Variants in C15orf61 observed in about 807,000 individuals in gnomAD.
C15orf61 encodes the protein uncharacterized protein C15orf61.
A neutral mutation model predicts 13.7 loss-of-function variants in C15orf61; 12 were observed. The observed-to-expected ratio is 0.88, with a 90% confidence interval of 0.56 to 1.42. C15orf61 has a LOEUF of 1.42. C15orf61 is among the 40% of genes most tolerant of loss of function. The probability of loss-of-function intolerance (pLI) is 0.00; values close to 1 mark genes in which losing one functional copy is unlikely to be tolerated. For missense variants in C15orf61, 248 were observed against 213.2 expected (o/e 1.16, Z -1.02); for synonymous variants, 92 against 94.1 (o/e 0.98, Z 0.13).
In C15orf61 at chr15:67,525,337, C is replaced by G. The variant is rs535236416; in HGVS notation, c.347-1081C>G. 7.2e-5 allele frequency among the ~76,000 whole-genome samples: 11 copies of G among 152,208 alleles called. No individual in the cohort carries two copies. The South Asian group carries it at 2.3e-3, about 32-fold the overall frequency. ...GTAGTCATTAATTTTAAATAAGTACCTTTAAAAAGATAGGAATTGTGAAAG... is the reference window on the plus strand; with the variant it reads ...GTAGTCATTAATTTTAAATAAGTACGTTTAAAAAGATAGGAATTGTGAAAG... On this transcript the variant is annotated intron_variant, in intron 1 of 1. Coordinates refer to ENST00000342683, the MANE Select transcript of C15orf61 (RefSeq NM_001143936.2). The surrounding 1 kb of genome is among the most constrained non-coding windows in gnomAD (Gnocchi z 4.9).
chr15:67,521,783 TG>T (rs1264147071), intron 1 of C15orf61, 189 bp downstream of exon 1: 1 of 672,360 alleles, frequency 1.5e-6, no homozygotes, highest in African/African-American at 1.8e-5. Context: ...GCTGAGCTCC[TG>T]GCACCCGAAG....
chr15:67,524,436 C>T (rs1335452672), intron 1 of C15orf61, among the ~76,000 whole-genome samples: 1 of 150,810 alleles, frequency 6.6e-6, no homozygotes, highest in Non-Finnish European at 1.5e-5. Flanking sequence ...CTTTATTATT[C>T]TAGTTTTTGT....
At chr15:67,523,110 T>C (rs2084177951) in intron 1 of C15orf61, among the ~76,000 whole-genome samples, 1 of 152,192 alleles carries the variant, frequency 6.6e-6, no homozygotes. Context: ...ATTCTAAAAA[T>C]CCTGCTAAAA....
In C15orf61 at chr15:67,522,134, A is replaced by G. The variant is rs576691817; in HGVS notation, c.346+540A>G. On this transcript the variant is annotated intron_variant, in intron 1 of 1. Transcript: ENST00000342683. ...ACAGCTTCCTGAGGTGCTAGGCCTA[A>G]AAGATTTTTAAAGATCTTTAATATT... is the stretch of plus-strand genomic sequence containing the variant. 4 of 701,522 alleles carry G rather than the reference A, an allele frequency of 5.7e-6. No homozygotes were observed. The African/African-American group carries it at 7.0e-5, about 12-fold the overall frequency. The allele number at this position is 701,522 out of a possible 1,614,324, so 43.5% of individuals were successfully genotyped here. A position where few individuals can be genotyped will look rare whatever the true frequency, so the allele number is the denominator to read the frequency against.
chr15:67,525,712 A>G lies in C15orf61; in HGVS notation c.347-706A>G, dbSNP rs1444108550. On this transcript the variant is annotated intron_variant, in intron 1 of 1. Coordinates refer to ENST00000342683, the MANE Select transcript of C15orf61 (RefSeq NM_001143936.2). The surrounding 1 kb of genome is among the most constrained non-coding windows in gnomAD (Gnocchi z 4.9). ...TACTTCAACCATTAGTGTTACTACTAACTTAAAGAACAGTAATGTTGGCCG... is the reference window on the plus strand; with the variant it reads ...TACTTCAACCATTAGTGTTACTACTGACTTAAAGAACAGTAATGTTGGCCG... Among the ~76,000 whole-genome samples the G allele has an allele frequency of 6.6e-6, 1 of 152,126 alleles. No homozygotes were observed. The highest frequency in any genetic ancestry group is 2.4e-5 in the African/African-American group (1 of 41,418).
chr15:67,523,591 T>A (rs918256484), intron 1 of C15orf61, among the ~76,000 whole-genome samples: 1 of 152,212 alleles, frequency 6.6e-6, no homozygotes, highest in Non-Finnish European at 1.5e-5. Flanking sequence ...TGAGGAATTC[T>A]AATTTTTTAA....
Position 67,526,434 on chromosome 15 carries a change from A to T in C15orf61, c.363A>T (p.Leu121Phe). 6.5e-7 allele frequency: 1 copy of T among 1,529,440 alleles called. No individual in the cohort carries two copies. The highest frequency in any genetic ancestry group is 1.2e-5 in the South Asian group (1 of 82,590). 94.7% of individuals were successfully genotyped at this position (1,529,440 alleles called of 1,614,324 possible). A position where few individuals can be genotyped will look rare whatever the true frequency, so the allele number is the denominator to read the frequency against. Residue 121 changes from leucine (L) to phenylalanine (F), a missense_variant, in exon 2 of 2, where the codon TTA becomes TTT. Transcript: ENST00000342683. ...GTTTTCTAGGTATTCCAACTTTATT[A>T]TATGGACTTGGCTCCTGGTTATTTG... ...KVVNLGIPTLLYGLGSWLFAR... is the reference protein window; with the variant it reads ...KVVNLGIPTLFYGLGSWLFAR...
Position 67,526,515 on chromosome 15 carries a change from C to T in C15orf61, c.444C>T (p.Leu148=). Residue 148 remains leucine (L), a synonymous_variant, in exon 2 of 2, where the codon CTC becomes CTT. Coordinates refer to ENST00000342683, the MANE Select transcript of C15orf61 (RefSeq NM_001143936.2). ...ATGGACCCATAACAGTTTATTTTCTCAATAAAGAAGATGAAGGTGCCATGT... is the reference window on the plus strand; with the variant it reads ...ATGGACCCATAACAGTTTATTTTCTTAATAAAGAAGATGAAGGTGCCATGT... ...TSYGPITVYF[L]NKEDEGAMY is the part of the protein sequence containing the mutation. 4 of 1,536,802 alleles carry T rather than the reference C, an allele frequency of 2.6e-6. No individual in the cohort carries two copies. Among genetic ancestry groups the T allele is most frequent in the Non-Finnish European group, 3.5e-6 (4 of 1,139,688 alleles).
At chr15:67,526,119 T>C (rs2084197113) in intron 1 of C15orf61, among the ~76,000 whole-genome samples, 1 of 152,200 alleles carries the variant, frequency 6.6e-6, no homozygotes, top group Non-Finnish European at 1.5e-5. Context: ...CATTTTCTTA[T>C]TTATGAAAAG....
Position 67,521,612 on chromosome 15 carries a change from C to T in C15orf61, c.346+18C>T. 1 of 1,497,282 alleles carries T rather than the reference C, an allele frequency of 6.7e-7. No individual in the cohort carries two copies. Among genetic ancestry groups the T allele is most frequent in the Non-Finnish European group, 9.0e-7 (1 of 1,111,274 alleles). The allele number at this position is 1,497,282 out of a possible 1,614,324, so 92.7% of individuals were successfully genotyped here. A position where few individuals can be genotyped will look rare whatever the true frequency, so the allele number is the denominator to read the frequency against. ...CAACCTCGGTGAGTGGCGACTGCCGCGCCCACGCGGTGAAGCCCGCCCGGC... is the reference window on the plus strand; with the variant it reads ...CAACCTCGGTGAGTGGCGACTGCCGTGCCCACGCGGTGAAGCCCGCCCGGC... On this transcript the variant is annotated intron_variant, in intron 1 of 1. Coordinates refer to ENST00000342683, the MANE Select transcript of C15orf61 (RefSeq NM_001143936.2).
chr15:67,526,296 A>G (rs2084198318), intron 1 of C15orf61, 122 bp from the exon 2 acceptor site: 2 of 622,566 alleles, frequency 3.2e-6, no homozygotes, highest in Non-Finnish European at 5.1e-6. Context: ...GTCAATGTTG[A>G]TTAATATTTT....
rs2084216090 is a variant in C15orf61, at chr15:67,529,373, T to C, written c.*2828T>C. 1 of 152,218 alleles carries C rather than the reference T, an allele frequency of 6.6e-6. No homozygotes were observed. Among genetic ancestry groups the C allele is most frequent in the Non-Finnish European group, 1.5e-5 (1 of 68,042 alleles). The allele number at this position is 152,218 out of a possible 1,614,324, so 9.4% of individuals were successfully genotyped here. A position where few individuals can be genotyped will look rare whatever the true frequency, so the allele number is the denominator to read the frequency against. ...CCAAATTGTAGAAACAGTTATAGTT[T>C]ACCACACATTTTGGGGCATTAATAT... On this transcript the variant is annotated 3_prime_UTR_variant, in exon 2 of 2. Transcript: ENST00000342683. The surrounding 1 kb of genome is among the most constrained non-coding windows in gnomAD (Gnocchi z 4.4).
chr15:67,523,665 G>T (rs942861002), intron 1 of C15orf61, among the ~76,000 whole-genome samples: 1 of 152,158 alleles, frequency 6.6e-6, no homozygotes, highest in Non-Finnish European at 1.5e-5. Flanking sequence ...ATTATGCAAA[G>T]AACTGATTTG....
rs753850113 is a variant in C15orf61, at chr15:67,521,410, C to T, written c.162C>T (p.Pro54=). The T allele has an allele frequency of 1.9e-6, 3 of 1,544,106 alleles. No individual in the cohort carries two copies. Among genetic ancestry groups the T allele is most frequent in the South Asian group, 2.4e-5 (2 of 84,052 alleles). The part of the protein sequence containing the change: ...RLPHWTSFCV[P]YSAVRNDQFG... ...CGCACTGGACCTCCTTCTGCGTGCCCTACAGCGCCGTCCGCAACGACCAGT... is the reference window on the plus strand; with the variant it reads ...CGCACTGGACCTCCTTCTGCGTGCCTTACAGCGCCGTCCGCAACGACCAGT... Residue 54 remains proline (P), a synonymous_variant, in exon 1 of 2, where the codon CCC becomes CCT. Transcript: ENST00000342683.
At chr15:67,522,223 T>C (rs1460319732) in intron 1 of C15orf61, 2 of 701,278 alleles carry the variant, frequency 2.9e-6, no homozygotes, top group Admixed American at 4.0e-5. Context: ...TTTCTTTTGG[T>C]TTAATGACAG....
In C15orf61 at chr15:67,522,150, C is replaced by T. The variant is rs754538691; in HGVS notation, c.346+556C>T. ...CTAGGCCTAAAAGATTTTTAAAGATCTTTAATATTTGTATATTTTCATGGA... is the reference window on the plus strand; with the variant it reads ...CTAGGCCTAAAAGATTTTTAAAGATTTTTAATATTTGTATATTTTCATGGA... On this transcript the variant is annotated intron_variant, in intron 1 of 1. Transcript: ENST00000342683. The T allele has an allele frequency of 1.7e-5, 12 of 701,556 alleles. No homozygotes were observed. The South Asian group carries it at 1.8e-4, about 10-fold the overall frequency. The allele number at this position is 701,556 out of a possible 1,614,324, so 43.5% of individuals were successfully genotyped here. A position where few individuals can be genotyped will look rare whatever the true frequency, so the allele number is the denominator to read the frequency against.
intron 1 of C15orf61, chr15:67,521,878 C>T (rs1398496690): frequency 1.6e-6 from 1 of 644,740 alleles, no homozygotes; most frequent in Non-Finnish European, 2.8e-6. Context: ...CAGAGTAGAC[C>T]CCTGGCCTGG....
chr15:67,526,254 C>T (rs1252346166), intron 1 of C15orf61, among the ~76,000 whole-genome samples, 164 bp from the exon 2 acceptor site: 2 of 152,170 alleles, frequency 1.3e-5, no homozygotes, highest in East Asian at 1.9e-4. Flanking sequence ...TCATGTGCCA[C>T]GTTGATGAAA....
In C15orf61 at chr15:67,525,540, T is replaced by C. The variant is rs28667239; in HGVS notation, c.347-878T>C. ...TATATCTATTTCAAATTGGTTGAAA[T>C]GAGGTTGTTTTCAGATCAATTGAAA... On this transcript the variant is annotated intron_variant, in intron 1 of 1. Coordinates refer to ENST00000342683, the MANE Select transcript of C15orf61 (RefSeq NM_001143936.2). The surrounding 1 kb of genome is among the most constrained non-coding windows in gnomAD (Gnocchi z 4.9). 0.69 allele frequency among the ~76,000 whole-genome samples: 104,322 copies of C among 152,098 alleles called. 36,397 individuals carry two copies. Among genetic ancestry groups the C allele is most frequent in the Middle Eastern group, 0.8 (236 of 294 alleles).
Sources: allele counts gnomAD v4.1 joint callset (sites outside exome capture counted in the v4.1 genomes callset), GRCh38; gene constraint gnomAD v4.1.1; non-coding constraint Gnocchi (gnomAD v3.1); transcripts MANE v1.5; gene names NCBI Gene and HGNC (gene_info 2026-07-23, HGNC 2026-07-21).